TIAM1: variants seen among roughly 807,000 people sequenced by gnomAD.
TIAM1 encodes the protein rho guanine nucleotide exchange factor TIAM1.
A neutral mutation model predicts 163.5 loss-of-function variants in TIAM1; 65 were observed. The ratio of observed to expected loss-of-function variants is 0.40; its 90% CI spans 0.33 to 0.49. The LOEUF (loss-of-function observed/expected upper bound fraction) is 0.49. Among genes scored for constraint, TIAM1 ranks in the 20% least tolerant of loss-of-function variants. The probability of loss-of-function intolerance (pLI) is 0.77; values close to 1 mark genes in which losing one functional copy is unlikely to be tolerated. For synonymous variants in TIAM1, 833 were observed against 810.1 expected (o/e 1.03, Z -0.48); for missense variants, 1,789 against 2,044.7 (o/e 0.87, Z 2.41).
chr21:31,232,670 C>T (rs187375019), intron 6 of TIAM1, among the ~76,000 whole-genome samples: 3 of 152,244 alleles, frequency 2.0e-5, no homozygotes, highest in East Asian at 1.9e-4. Context: ...AAAAGCCATC[C>T]GAAGCCACTA....
intron 6 of TIAM1, among the ~76,000 whole-genome samples, chr21:31,243,209 A>AAAAAT (rs59419171): frequency 2.6e-5 from 3 of 117,278 alleles, no homozygotes; most frequent in African/African-American, 1.1e-4. Flanking sequence ...AAAAAAAAAA[A>AAAAAT]ATATATATAT....
At chr21:31,469,611 G>A (rs1417481309) in intron 1 of TIAM1, among the ~76,000 whole-genome samples, 4 of 152,008 alleles carry the variant, frequency 2.6e-5, no homozygotes, top group South Asian at 2.1e-4. Context: ...GGCAGATCAC[G>A]AGGTCAGGAG....
At chr21:31,281,272 T>G (rs1338771078) in intron 2 of TIAM1, among the ~76,000 whole-genome samples, 2 of 152,134 alleles carry the variant, frequency 1.3e-5, no homozygotes, top group Admixed American at 6.6e-5. Context: ...GACTTTTGGA[T>G]AGTAAATTAC....
intron 1 of TIAM1, among the ~76,000 whole-genome samples, chr21:31,465,402 T>C (rs759440549): frequency 2.0e-5 from 3 of 151,932 alleles, no homozygotes; most frequent in Admixed American, 6.6e-5. Flanking sequence ...TAAAAGCTAA[T>C]ATATTCTCTT....
At chr21:31,429,058 G>A (rs1355594710) in intron 2 of TIAM1, among the ~76,000 whole-genome samples, 1 of 151,188 alleles carries the variant, frequency 6.6e-6, no homozygotes, top group Non-Finnish European at 1.5e-5. Context: ...GGAGTGCAGT[G>A]GTGCGATCAT....
chr21:31,208,875 T>C (rs1019086881), intron 11 of TIAM1, among the ~76,000 whole-genome samples: 2 of 152,230 alleles, frequency 1.3e-5, no homozygotes, highest in African/African-American at 4.8e-5. Context: ...AAACATTGTG[T>C]TGAATGATGA....
At chr21:31,303,230 T>C (rs2074568485) in intron 2 of TIAM1, among the ~76,000 whole-genome samples, 1 of 152,200 alleles carries the variant, frequency 6.6e-6, no homozygotes, top group Non-Finnish European at 1.5e-5. Flanking sequence ...GACTAGGAAC[T>C]CTTCCTAAGA....
chr21:31,322,869 C>T (rs1025759552), intron 2 of TIAM1, among the ~76,000 whole-genome samples: 3 of 152,188 alleles, frequency 2.0e-5, no homozygotes, highest in Non-Finnish European at 4.4e-5. Context: ...CCAGGCGGGG[C>T]CCACTTCATG....
At chr21:31,231,125 C>G (rs919928505) in intron 6 of TIAM1, among the ~76,000 whole-genome samples, 2 of 151,838 alleles carry the variant, frequency 1.3e-5, no homozygotes, top group African/African-American at 4.9e-5. Context: ...CCCGTTGCCA[C>G]GGTCACAGAA....
intron 2 of TIAM1, among the ~76,000 whole-genome samples, chr21:31,390,227 T>C (rs1419854288): frequency 6.6e-6 from 1 of 152,208 alleles, no homozygotes; most frequent in Non-Finnish European, 1.5e-5. Context: ...ATTATTTAGA[T>C]TCTCTCCAAT....
At chr21:31,509,230 C>A (rs1376696885) in intron 1 of TIAM1, among the ~76,000 whole-genome samples, 1 of 152,192 alleles carries the variant, frequency 6.6e-6, no homozygotes, top group Non-Finnish European at 1.5e-5. Context: ...CCCAGGGAGA[C>A]TCACCCATTT....
At chr21:31,151,463 A>G (rs1035584310) in intron 19 of TIAM1, among the ~76,000 whole-genome samples, 1 of 152,176 alleles carries the variant, frequency 6.6e-6, no homozygotes, top group Admixed American at 6.5e-5. Flanking sequence ...AGCCCCAGAA[A>G]AACGGGTACT....
At chr21:31,424,146 G>A (rs1217040161) in intron 2 of TIAM1, among the ~76,000 whole-genome samples, 6 of 152,146 alleles carry the variant, frequency 3.9e-5, no homozygotes, top group East Asian at 1.9e-4. Flanking sequence ...TTTAGAAGAC[G>A]CATGGTCTTC....
intron 2 of TIAM1, among the ~76,000 whole-genome samples, chr21:31,426,059 C>A (rs76200936): frequency 5.3e-5 from 8 of 151,840 alleles, no homozygotes; most frequent in Non-Finnish European, 1.0e-4. Context: ...GGGGATCAGG[C>A]GGTTTTTGGT....
At chr21:31,189,017 CCTCAGGTATGATTT>C (rs2085428994) in intron 13 of TIAM1, among the ~76,000 whole-genome samples, 1 of 148,866 alleles carries the variant, frequency 6.7e-6, no homozygotes. Flanking sequence ...CATGGAGACA[CCTCAGGTATGATTT>C]GCTCCATTCC....
intron 2 of TIAM1, among the ~76,000 whole-genome samples, chr21:31,434,215 T>C (rs1235245211): frequency 1.3e-5 from 2 of 152,212 alleles, no homozygotes; most frequent in Non-Finnish European, 2.9e-5. Flanking sequence ...ACCAGATTTA[T>C]ACTCCCACCT....
intron 2 of TIAM1, among the ~76,000 whole-genome samples, chr21:31,324,444 A>T (rs1034791785): frequency 6.6e-6 from 1 of 152,224 alleles, no homozygotes; most frequent in Admixed American, 6.5e-5. Flanking sequence ...ACACTTGTAG[A>T]GGACCTACTG....
Position 31,266,577 on chromosome 21 carries a change from G to C in TIAM1, c.396C>G (p.Ser132Arg). Residue 132 changes from serine to arginine, a missense_variant, in exon 4 of 28, where the codon AGC (serine) becomes AGG (arginine). Ser to Arg is a moderately radical substitution (Grantham distance 110). Coordinates refer to ENST00000541036, the MANE Select transcript of TIAM1 (RefSeq NM_001353694.2). The stretch of plus-strand genomic sequence containing the variant: ...ATGTAGCGTCATCCCCGTAAAGCCT[G>C]CTCTCCTCAGTGTCTGGCATGCTCT... ...SVQSMPDTEESRLYGDDATYL... is the reference protein window; with the variant it reads ...SVQSMPDTEERRLYGDDATYL... 1 of 1,614,222 alleles carries C rather than the reference G, an allele frequency of 6.2e-7. No individual in the cohort carries two copies. The highest frequency in any genetic ancestry group is 8.5e-7 in the Non-Finnish European group (1 of 1,180,050).
chr21:31,180,911 A>C (rs2084982847), intron 15 of TIAM1, among the ~76,000 whole-genome samples: 1 of 152,254 alleles, frequency 6.6e-6, no homozygotes. Context: ...CAACTTGTCA[A>C]AATCTTCCAA....
Sources: allele counts gnomAD v4.1 joint callset (sites outside exome capture counted in the v4.1 genomes callset), GRCh38; gene constraint gnomAD v4.1.1; transcripts MANE v1.5; gene names NCBI Gene and HGNC (gene_info 2026-07-23, HGNC 2026-07-21).